The following SOX13 variants were observed in gnomAD, a reference collection of about 807,000 sequenced individuals.
The protein encoded by SOX13 is SRY-box transcription factor 13.
SOX13 carries 28 observed loss-of-function variants against 71.8 expected under a neutral mutation model. The observed-to-expected ratio is 0.39, with a 90% CI of 0.29 to 0.53. The LOEUF (loss-of-function observed/expected upper bound fraction) is 0.53. Ranked by LOEUF, SOX13 falls within the 20% of genes least tolerant of loss-of-function variation. SOX13 has a pLI of 0.70. For synonymous variants in SOX13, 309 were observed against 317.8 expected (o/e 0.97, Z 0.29); for missense variants, 627 against 810.3 (o/e 0.77, Z 2.75).
chr1:204,094,409 G>A (rs1461605488), intron 1 of SOX13, among the ~76,000 whole-genome samples: 1 of 152,180 alleles, frequency 6.6e-6, no homozygotes, highest in Non-Finnish European at 1.5e-5. Context: ...GAGCCAGCAG[G>A]GACAGGGTTA....
At chr1:204,121,544 C>T (rs946872253) in intron 7 of SOX13, among the ~76,000 whole-genome samples, 2 of 152,218 alleles carry the variant, frequency 1.3e-5, no homozygotes, top group South Asian at 2.1e-4. Flanking sequence ...AACAGGCAGC[C>T]GCTTTTGTGC....
At chr1:204,075,208 C>CGCTCTCTGCCCTCT (rs1449127648) in intron 1 of SOX13, among the ~76,000 whole-genome samples, 1 of 152,250 alleles carries the variant, frequency 6.6e-6, no homozygotes, top group East Asian at 1.9e-4. Flanking sequence ...CGAGCCAGGC[C>CGCTCTCTGCCCTCT]GCTCTCTGCC....
chr1:204,110,078 C>T (rs969596659), intron 1 of SOX13, among the ~76,000 whole-genome samples: 11 of 151,978 alleles, frequency 7.2e-5, no homozygotes, highest in Admixed American at 1.3e-4. Flanking sequence ...GTGCTCCACC[C>T]GCCTCGGCCT....
chr1:204,124,363 C>A (rs1656875008), intron 12 of SOX13, among the ~76,000 whole-genome samples: 1 of 152,222 alleles, frequency 6.6e-6, no homozygotes, highest in South Asian at 2.1e-4. Context: ...TTATGCAAAT[C>A]AGGCAGGCCA....
rs139374131 is a variant in SOX13, at chr1:204,088,439, T to C, written c.-2+14728T>C. On this transcript the variant is annotated intron_variant, in intron 1 of 13. Coordinates refer to ENST00000367204, the MANE Select transcript of SOX13 (RefSeq NM_005686.3). Reference sequence around the variant, plus strand: ...GGGACACTCGGATTTTTCCAGGGGCTTTGTCCATATTTACATGGCATTTGC... The same window carrying C: ...GGGACACTCGGATTTTTCCAGGGGCCTTGTCCATATTTACATGGCATTTGC... Among the ~76,000 whole-genome samples the C allele has an allele frequency of 5.0e-3, 764 of 152,310 alleles. 5 individuals are homozygous for C. Among genetic ancestry groups the C allele is most frequent in the Non-Finnish European group, 8.2e-3 (558 of 68,012 alleles).
intron 1 of SOX13, among the ~76,000 whole-genome samples, chr1:204,077,923 T>C (rs968426762): frequency 2.6e-5 from 4 of 152,212 alleles, no homozygotes; most frequent in African/African-American, 9.6e-5. Flanking sequence ...GCAATTCTCC[T>C]GCCTCAGCCT....
rs1267964511 is a variant in SOX13, at chr1:204,123,097, C to T, written c.1135-15C>T. ...TGCAGAGGAGGCTGATGTCAGGTTG[C>T]CCCTGTCAACCTAGGACCTCATCAG... On this transcript the variant is annotated splice_polypyrimidine_tract_variant and intron_variant, in intron 10 of 13. Transcript: ENST00000367204. The surrounding 1 kb of genome is among the most constrained non-coding windows in gnomAD (Gnocchi z 5.0). 6.2e-7 allele frequency: 1 copy of T among 1,601,442 alleles called. No homozygotes were observed.
At chr1:204,122,752 T>TGGGAGTGGCATGGCG (rs1050829169) in intron 9 of SOX13, 102 bp from the exon 10 acceptor site, 1 of 712,988 alleles carries the variant, frequency 1.4e-6, no homozygotes, top group Non-Finnish European at 2.4e-6. Context: ...AGGTGCCTCA[T>TGGGAGTGGCATGGCG]GGGAGTGGCA....
Position 204,126,064 on chromosome 1 carries a change from G to A in SOX13, c.1799G>A (p.Arg600Gln), listed in dbSNP as rs201671514. 29 of 1,613,988 alleles carry A rather than the reference G, an allele frequency of 1.8e-5. No individual in the cohort carries two copies. Among genetic ancestry groups the A allele is most frequent in the African/African-American group, 8.0e-5 (6 of 75,046 alleles). The change falls in exon 14 of 14, where the codon CGG becomes CAG. Residue 600 changes from arginine to glutamine, a missense_variant. Physicochemically the swap from Arg to Gln is conservative, Grantham distance 43. Coordinates refer to ENST00000367204, the MANE Select transcript of SOX13 (RefSeq NM_005686.3). ...RHSVADGEMY[R>Q]YSEDEDSEGE... The stretch of plus-strand genomic sequence containing the variant: ...TCGGTGGCTGATGGCGAGATGTACC[G>A]GTACAGCGAGGACGAGGACTCGGAG...
At chr1:204,103,845 A>C (rs903642084) in intron 1 of SOX13, among the ~76,000 whole-genome samples, 1 of 152,122 alleles carries the variant, frequency 6.6e-6, no homozygotes, top group Non-Finnish European at 1.5e-5. Context: ...CCTCCAGAGA[A>C]GGGCCTCCTA....
chr1:204,080,875 G>A (rs2102221094), intron 1 of SOX13, among the ~76,000 whole-genome samples: 1 of 150,784 alleles, frequency 6.6e-6, no homozygotes, highest in African/African-American at 2.4e-5. Context: ...TCCAGCTTCT[G>A]TAGCTGGGGG....
chr1:204,094,479 G>T (rs1033838473), intron 1 of SOX13, among the ~76,000 whole-genome samples: 9 of 152,152 alleles, frequency 5.9e-5, no homozygotes, highest in Admixed American at 4.6e-4. Context: ...CCCCATTGTT[G>T]ACCCCCTTCC....
intron 12 of SOX13, 41 bp from the exon 13 acceptor site, chr1:204,124,600 G>A (rs1434584687): frequency 6.4e-7 from 1 of 1,550,646 alleles, no homozygotes; most frequent in Admixed American, 1.9e-5. Context: ...GTGGTCAGCA[G>A]AGCCCAGCAC....
intron 2 of SOX13, 58 bp from the exon 3 acceptor site, chr1:204,114,263 C>A: frequency 8.2e-7 from 1 of 1,212,160 alleles, no homozygotes; most frequent in Non-Finnish European, 1.2e-6. Context: ...GCCCAGCCCT[C>A]CCTGCAGCCT....
Position 204,122,943 on chromosome 1 carries a change from C to T in SOX13, c.1114C>T (p.Pro372Ser). 6.3e-7 allele frequency: 1 copy of T among 1,587,920 alleles called. No homozygotes were observed. The highest frequency in any genetic ancestry group is 1.1e-5 in the South Asian group (1 of 87,834). Residue 372 changes from proline to serine, a missense_variant, in exon 10 of 14, where the codon CCC becomes TCC. Coordinates refer to ENST00000367204, the MANE Select transcript of SOX13 (RefSeq NM_005686.3). The stretch of plus-strand genomic sequence containing the variant: ...CCACAGTGGGGCCTTGGATGGCTCC[C>T]CCAACACCCCCTTCCGTAAGGTATG... ...HSHSGALDGS[P>S]NTPFRKDLIS...
Position 204,122,241 on chromosome 1 carries a change from C to T in SOX13, c.866C>T (p.Pro289Leu). 1 of 1,575,110 alleles carries T rather than the reference C, an allele frequency of 6.3e-7. No homozygotes were observed. The highest frequency in any genetic ancestry group is 8.6e-7 in the Non-Finnish European group (1 of 1,161,464). ...GACCTGCTGGGTCTCCCTCAGGAGC[C>T]CTCCCAGCCCCTGAACCTCACAGCC... ...AMATHHPLQE[P>L]SQPLNLTAKP... Residue 289 changes from proline to leucine, a missense_variant, in exon 9 of 14, where the codon CCC becomes CTC. Pro to Leu is a moderately conservative substitution (Grantham distance 98). Around this residue, in one of 3 missense-constraint regions of SOX13, gnomAD observed 447 missense variants for 532.2 expected, o/e 0.84. Coordinates refer to ENST00000367204, the MANE Select transcript of SOX13 (RefSeq NM_005686.3).
intron 1 of SOX13, among the ~76,000 whole-genome samples, chr1:204,110,154 G>A (rs1656550551): frequency 6.6e-6 from 1 of 151,154 alleles, no homozygotes; most frequent in Non-Finnish European, 1.5e-5. Flanking sequence ...TTCTGAGATA[G>A]GGCCTTGCTC....
At chr1:204,109,374 T>A (rs1210721772) in intron 1 of SOX13, among the ~76,000 whole-genome samples, 2 of 152,358 alleles carry the variant, frequency 1.3e-5, no homozygotes, top group Non-Finnish European at 2.9e-5. Flanking sequence ...TATAGGACAG[T>A]GGTCCTGCAA....
Position 204,117,595 on chromosome 1 carries a change from G to C in SOX13, c.663G>C (p.Gln221His). ...ACACAGGGTTTCTTTGCCTTCAGCA[G>C]GTTAACATGCCTTATGTCATGATCC... ...KINLLQQQIQQVNMPYVMIPA... is the reference protein window; with the variant it reads ...KINLLQQQIQHVNMPYVMIPA... The change falls in exon 7 of 14, where the codon CAG becomes CAC. Residue 221 changes from glutamine (Q) to histidine (H), a missense_variant and splice_region_variant. By Grantham distance (24) the Gln-to-His change is conservative. Around this residue, in one of 3 missense-constraint regions of SOX13, gnomAD observed 447 missense variants for 532.2 expected, o/e 0.84. Coordinates refer to ENST00000367204, the MANE Select transcript of SOX13 (RefSeq NM_005686.3). 1 of 1,608,170 alleles carries C rather than the reference G, an allele frequency of 6.2e-7. No individual in the cohort carries two copies. The highest frequency in any genetic ancestry group is 1.7e-5 in the Admixed American group (1 of 59,638).
Sources: gnomAD v4.1 joint callset for allele counts (sites outside exome capture counted in the v4.1 genomes callset) on GRCh38, gnomAD v4.1.1 for gene constraint, gnomAD v4.1.1 regional missense constraint, Gnocchi (gnomAD v3.1) non-coding constraint, MANE v1.5 for transcripts, NCBI Gene and HGNC (gene_info 2026-07-23, HGNC 2026-07-21) for gene names.